THSD7A: variants seen among roughly 807,000 people sequenced by gnomAD.
THSD7A encodes thrombospondin type-1 domain-containing protein 7A.
THSD7A carries 96 observed loss-of-function variants against 231.3 expected under a neutral mutation model. The observed-to-expected ratio is 0.41, with a 90% CI of 0.35 to 0.49. THSD7A has a LOEUF of 0.49. Ranked by LOEUF, THSD7A falls within the 20% of genes least tolerant of loss-of-function variation. The probability of loss-of-function intolerance (pLI) is 0.05; values close to 1 mark genes in which losing one functional copy is unlikely to be tolerated. For missense variants in THSD7A, 2,290 were observed against 2,070.2 expected, an observed-to-expected ratio of 1.11 and a Z score of -2.06; for synonymous variants, 940 against 743.3, an observed-to-expected ratio of 1.26 and a Z score of -4.30.
At chr7:11,582,947 G>T (rs1791231587) in intron 4 of THSD7A, among the ~76,000 whole-genome samples, 1 of 151,578 alleles carries the variant, frequency 6.6e-6, no homozygotes, top group Non-Finnish European at 1.5e-5. Flanking sequence ...ACCACTTCTG[G>T]AGCATTTTCT....
chr7:11,379,045 T>C lies in THSD7A; in HGVS notation c.4801+25A>G, dbSNP rs758514437. 8 of 1,610,142 alleles carry C rather than the reference T, an allele frequency of 5.0e-6. No homozygotes were observed. In the South Asian group the frequency reaches 8.8e-5, roughly 18 times the overall value. On this transcript the variant is annotated intron_variant, in intron 26 of 27. Transcript: ENST00000423059. The stretch of plus-strand genomic sequence containing the variant: ...GCCTAAAAGAACTAAAGGTTTCTCT[T>C]TCAACACTAGTCTAGTCAGTTCACC...
At position 11,532,389 on chromosome 7, in the gene THSD7A, T is replaced by G. The variant is rs948872599; in HGVS notation, c.1822+9030A>C. On this transcript the variant is annotated intron_variant, in intron 6 of 27. Coordinates refer to ENST00000423059, the MANE Select transcript of THSD7A (RefSeq NM_015204.3). ...AATATGTAGCAATGAGATGCTGCTT[T>G]AAGAAATCTAAAACAAGTAGAATTG... Among the ~76,000 whole-genome samples, 7 of 152,308 alleles carry G rather than the reference T, an allele frequency of 4.6e-5. No homozygotes were observed. The South Asian group carries it at 1.4e-3, about 32-fold the overall frequency.
intron 1 of THSD7A, among the ~76,000 whole-genome samples, chr7:11,813,364 T>C (rs1375289178): frequency 6.6e-6 from 1 of 152,176 alleles, no homozygotes; most frequent in East Asian, 1.9e-4. Flanking sequence ...ATGACAATTA[T>C]ATCATAACCG....
chr7:11,470,125 T>A (rs1440855885), intron 8 of THSD7A, 131 bp from the exon 9 acceptor site: 7 of 666,296 alleles, frequency 1.1e-5, no homozygotes, highest in African/African-American at 9.1e-5. Flanking sequence ...CTTCCAGGAG[T>A]CTTTCTTTCT....
At chr7:11,744,075 C>G (rs1046242234) in intron 1 of THSD7A, among the ~76,000 whole-genome samples, 1 of 151,730 alleles carries the variant, frequency 6.6e-6, no homozygotes, top group Non-Finnish European at 1.5e-5. Context: ...CTAGAGATGC[C>G]CTGATTTTTA....
At chr7:11,581,930 G>A (rs1308421882) in intron 4 of THSD7A, among the ~76,000 whole-genome samples, 1 of 151,934 alleles carries the variant, frequency 6.6e-6, no homozygotes, top group Non-Finnish European at 1.5e-5. Flanking sequence ...ATTTTCCAGC[G>A]GTGGTGACTG....
At chr7:11,419,479 G>C (rs2354373) in intron 16 of THSD7A, among the ~76,000 whole-genome samples, 53,813 of 152,036 alleles carry the variant, frequency 0.35, 9,841 homozygotes, top group African/African-American at 0.43. Context: ...TCCCCAGAAA[G>C]AGAAGCCTAT....
intron 16 of THSD7A, among the ~76,000 whole-genome samples, chr7:11,422,958 T>A (rs1283303751): frequency 6.6e-6 from 1 of 152,142 alleles, no homozygotes; most frequent in East Asian, 1.9e-4. Flanking sequence ...GCCTATAATT[T>A]TTTTTACTAA....
chr7:11,401,746 T>A lies in THSD7A; in HGVS notation c.4411+49A>T, dbSNP rs75587841. The A allele has an allele frequency of 1.9e-3, 2,846 of 1,484,312 alleles. 1 individual carries two copies. The highest frequency in any genetic ancestry group is 2.5e-3 in the Non-Finnish European group (2,736 of 1,107,368). 91.9% of individuals were successfully genotyped at this position (1,484,312 alleles called of 1,614,324 possible). A position where few individuals can be genotyped will look rare whatever the true frequency, so the allele number is the denominator to read the frequency against. ...TATTTTTAACAGACTATTTTTTTTTTAATCTTATGCTTTTGCTTAAGATAG... is the reference window on the plus strand; with the variant it reads ...TATTTTTAACAGACTATTTTTTTTTAAATCTTATGCTTTTGCTTAAGATAG... On this transcript the variant is annotated intron_variant, in intron 23 of 27. Coordinates refer to ENST00000423059, the MANE Select transcript of THSD7A (RefSeq NM_015204.3).
At chr7:11,470,143 G>T in intron 8 of THSD7A, 149 bp from the exon 9 acceptor site, 1 of 636,848 alleles carries the variant, frequency 1.6e-6, no homozygotes, top group Non-Finnish European at 2.8e-6. Context: ...TCTGCTACAG[G>T]CAAGAACTAT....
In THSD7A at chr7:11,695,257, T is replaced by G. The variant is rs570262543; in HGVS notation, c.191-58296A>C. On this transcript the variant is annotated intron_variant, in intron 1 of 27. Coordinates refer to ENST00000423059, the MANE Select transcript of THSD7A (RefSeq NM_015204.3). ...TGGCAAAAACATAGTATACCAAGAA[T>G]AGTTAGGATATCGAGAGTCTAGAAT... Among the ~76,000 whole-genome samples, 3 of 151,622 alleles carry G rather than the reference T, an allele frequency of 2.0e-5. No homozygotes were observed. The South Asian group carries it at 6.2e-4, about 31-fold the overall frequency.
At chr7:11,439,802 A>G (rs968187868) in intron 13 of THSD7A, among the ~76,000 whole-genome samples, 2 of 152,096 alleles carry the variant, frequency 1.3e-5, no homozygotes, top group African/African-American at 4.8e-5. Flanking sequence ...TGTCTATAAC[A>G]TAAAAGTGCA....
intron 6 of THSD7A, among the ~76,000 whole-genome samples, chr7:11,516,364 C>G (rs144554204): frequency 6.6e-6 from 1 of 152,258 alleles, no homozygotes; most frequent in East Asian, 1.9e-4. Flanking sequence ...TCCGTGTACC[C>G]GAGGAATGAT....
intron 1 of THSD7A, among the ~76,000 whole-genome samples, chr7:11,795,144 G>T (rs1413248593): frequency 2.0e-5 from 3 of 151,796 alleles, no homozygotes; most frequent in Middle Eastern, 3.4e-3. Context: ...TTTTATAAAA[G>T]ATTTGAGAGA....
At chr7:11,394,624 C>T (rs1316371033) in intron 23 of THSD7A, among the ~76,000 whole-genome samples, 3 of 152,170 alleles carry the variant, frequency 2.0e-5, no homozygotes, top group Admixed American at 1.3e-4. Context: ...CACCCGCACA[C>T]GTGATGTTCC....
At chr7:11,692,754 TA>T (rs1780274014) in intron 1 of THSD7A, among the ~76,000 whole-genome samples, 1 of 151,606 alleles carries the variant, frequency 6.6e-6, no homozygotes, top group Non-Finnish European at 1.5e-5. Flanking sequence ...TTTTTCAATA[TA>T]AAATTCTACA....
At chr7:11,553,254 A>G (rs1789709453) in intron 4 of THSD7A, among the ~76,000 whole-genome samples, 2 of 152,248 alleles carry the variant, frequency 1.3e-5, no homozygotes, top group South Asian at 4.1e-4. Context: ...TCATTAATCA[A>G]GGAAACAGGG....
chr7:11,600,248 A>T (rs868409845), intron 2 of THSD7A, among the ~76,000 whole-genome samples: 24 of 152,330 alleles, frequency 1.6e-4, no homozygotes, highest in Non-Finnish European at 2.8e-4. Flanking sequence ...GAAACTTTAC[A>T]GGCAATTATA....
At chr7:11,516,605 A>G (rs1370878981) in intron 6 of THSD7A, among the ~76,000 whole-genome samples, 1 of 152,206 alleles carries the variant, frequency 6.6e-6, no homozygotes, top group African/African-American at 2.4e-5. Flanking sequence ...TGTCAATAAC[A>G]TTTTGGCTTT....
Sources: allele counts gnomAD v4.1 joint callset (sites outside exome capture counted in the v4.1 genomes callset), GRCh38; gene constraint gnomAD v4.1.1; transcripts MANE v1.5; gene names NCBI Gene and HGNC (gene_info 2026-07-23, HGNC 2026-07-21).